The following MDGA2 variants were observed in gnomAD, a reference collection of about 807,000 sequenced individuals.
The protein encoded by MDGA2 is MAM domain-containing glycosylphosphatidylinositol anchor protein 2.
In MDGA2, 40 loss-of-function variants were observed where a neutral mutation model predicts 117.8. The observed-to-expected ratio is 0.34, with a 90% CI of 0.26 to 0.44. The LOEUF (loss-of-function observed/expected upper bound fraction) is 0.44. Among genes scored for constraint, MDGA2 ranks in the 20% least tolerant of loss-of-function variants. MDGA2 has a pLI of 1.00. For synonymous variants in MDGA2, 452 were observed against 439.0 expected (o/e 1.03, Z -0.37); for missense variants, 1,123 against 1,250.6 (o/e 0.90, Z 1.54).
chr14:47,375,948 T>C (rs1005583370), intron 1 of MDGA2, among the ~76,000 whole-genome samples: 1 of 152,184 alleles, frequency 6.6e-6, no homozygotes, highest in African/African-American at 2.4e-5. Flanking sequence ...TTTGCTCTTA[T>C]TTAGTTTCCA....
rs543034939 is a variant in MDGA2 at position 47,106,732 on chromosome 14, G to A, written c.926-9609C>T. Reference sequence around the variant, plus strand: ...GCTTCCGGTAACTCTCACAGTGGAAGGTAAGCCCGTCCCCTTCTTAATCAA... The same window carrying A: ...GCTTCCGGTAACTCTCACAGTGGAAAGTAAGCCCGTCCCCTTCTTAATCAA... On this transcript the variant is annotated intron_variant, in intron 5 of 16. Transcript: ENST00000399232. Among the ~76,000 whole-genome samples the A allele has an allele frequency of 7.4e-4, 112 of 151,318 alleles. 1 individual carries two copies. Among genetic ancestry groups the A allele is most frequent in the African/African-American group, 2.5e-3 (102 of 41,108 alleles).
rs556761049 is a variant in MDGA2, at chr14:47,048,635, A to G, written c.1525+12614T>C. Among the ~76,000 whole-genome samples the G allele has an allele frequency of 3.3e-5, 5 of 152,184 alleles. No individual in the cohort carries two copies. The South Asian group carries it at 1.0e-3, about 32-fold the overall frequency. On this transcript the variant is annotated intron_variant, in intron 7 of 16. Coordinates refer to ENST00000399232, the MANE Select transcript of MDGA2 (RefSeq NM_001113498.3). ...AAATAGACACTACTGCCACCTTAATAAACATTTTGACATAAAACGAAGCTG... is the reference window on the plus strand; with the variant it reads ...AAATAGACACTACTGCCACCTTAATGAACATTTTGACATAAAACGAAGCTG...
chr14:47,286,140 T>A (rs915695268), intron 2 of MDGA2, among the ~76,000 whole-genome samples: 5 of 152,136 alleles, frequency 3.3e-5, no homozygotes, highest in Non-Finnish European at 7.4e-5. Flanking sequence ...GTACATGTGA[T>A]GTTTTGATAC....
At chr14:46,877,317 C>T (rs982058483) in intron 12 of MDGA2, among the ~76,000 whole-genome samples, 172 bp downstream of exon 12, 6 of 151,704 alleles carry the variant, frequency 4.0e-5, no homozygotes, top group Admixed American at 3.9e-4. Context: ...TGTATTTATA[C>T]TCCTATCCTT....
chr14:47,403,565 A>G (rs191392112), intron 1 of MDGA2, among the ~76,000 whole-genome samples: 22 of 152,176 alleles, frequency 1.4e-4, no homozygotes, highest in Admixed American at 1.2e-3. Flanking sequence ...CTCCACTGCC[A>G]TTGTCTCAAC....
At chr14:47,470,319 T>C (rs757034916) in intron 1 of MDGA2, among the ~76,000 whole-genome samples, 1 of 140,290 alleles carries the variant, frequency 7.1e-6, no homozygotes. Context: ...CTTATGTCCA[T>C]GTGTTCTCAT....
At chr14:47,557,132 A>T (rs1895699793) in intron 1 of MDGA2, among the ~76,000 whole-genome samples, 1 of 152,192 alleles carries the variant, frequency 6.6e-6, no homozygotes, top group Non-Finnish European at 1.5e-5. Flanking sequence ...GAAAGTAGGT[A>T]CATAATACAC....
intron 9 of MDGA2, among the ~76,000 whole-genome samples, chr14:46,948,766 A>G (rs1457742274): frequency 6.6e-6 from 1 of 152,036 alleles, no homozygotes; most frequent in Non-Finnish European, 1.5e-5. Flanking sequence ...TACAGAGGGG[A>G]AAAAGCTCAC....
intron 6 of MDGA2, among the ~76,000 whole-genome samples, chr14:47,074,782 T>A (rs1890430249): frequency 6.6e-6 from 1 of 152,304 alleles, no homozygotes; most frequent in Admixed American, 6.5e-5. Flanking sequence ...GTCTACACTA[T>A]CACTTCTTCA....
At chr14:47,016,124 T>A (rs1249273165) in intron 8 of MDGA2, among the ~76,000 whole-genome samples, 1 of 152,094 alleles carries the variant, frequency 6.6e-6, no homozygotes. Flanking sequence ...AGTATCTAGG[T>A]TGAAAGAGTC....
At chr14:47,173,857 A>T (rs952047438) in intron 3 of MDGA2, among the ~76,000 whole-genome samples, 5 of 152,320 alleles carry the variant, frequency 3.3e-5, no homozygotes, top group Admixed American at 2.0e-4. Context: ...GGACTGGCAA[A>T]TTGGATAGAG....
intron 5 of MDGA2, among the ~76,000 whole-genome samples, chr14:47,098,125 C>T (rs1958089): frequency 6.6e-6 from 1 of 151,552 alleles, no homozygotes; most frequent in Non-Finnish European, 1.5e-5. Flanking sequence ...TGAAATCAAT[C>T]TACATCGGAA....
intron 8 of MDGA2, among the ~76,000 whole-genome samples, chr14:47,020,052 C>T (rs1195740306): frequency 6.6e-6 from 1 of 152,098 alleles, no homozygotes; most frequent in Non-Finnish European, 1.5e-5. Flanking sequence ...TTGTGCACAA[C>T]TTTACAGGTC....
chr14:46,938,559 A>AAAAAAAAAAAAAAAAAAAAAAAAG, intron 9 of MDGA2, among the ~76,000 whole-genome samples: 1 of 148,942 alleles, frequency 6.7e-6, no homozygotes, highest in African/African-American at 2.4e-5. Flanking sequence ...AAAAAAAAAA[A>AAAAAAAAAAAAAAAAAAAAAAAAG]AGAGACATCA....
chr14:46,987,932 G>C (rs1024371528), intron 8 of MDGA2, among the ~76,000 whole-genome samples: 1 of 150,736 alleles, frequency 6.6e-6, no homozygotes, highest in Admixed American at 6.6e-5. Flanking sequence ...TGGGGTGGGG[G>C]GGGGTGCGCG....
chr14:47,654,447 C>CT (rs771866379), intron 1 of MDGA2, among the ~76,000 whole-genome samples: 5 of 151,994 alleles, frequency 3.3e-5, no homozygotes, highest in Admixed American at 6.6e-5. Context: ...GGCCAACTGG[C>CT]TAATAACTAA....
chr14:47,465,051 A>T (rs1893571688), intron 1 of MDGA2, among the ~76,000 whole-genome samples: 2 of 152,160 alleles, frequency 1.3e-5, no homozygotes. Flanking sequence ...AAGTCCACAC[A>T]CTTAGAACCA....
chr14:47,476,779 G>A (rs1445613127), intron 1 of MDGA2, among the ~76,000 whole-genome samples: 1 of 152,156 alleles, frequency 6.6e-6, no homozygotes, highest in Non-Finnish European at 1.5e-5. Flanking sequence ...CATGACTTTT[G>A]TACACAGTCA....
At chr14:46,949,360 A>AT (rs1009378036) in intron 9 of MDGA2, among the ~76,000 whole-genome samples, 2 of 151,806 alleles carry the variant, frequency 1.3e-5, no homozygotes, top group Admixed American at 6.6e-5. Flanking sequence ...CTTTTTTATT[A>AT]TTTTTTAAGA....
Sources: gnomAD v4.1 joint callset for allele counts (sites outside exome capture counted in the v4.1 genomes callset) on GRCh38, gnomAD v4.1.1 for gene constraint, MANE v1.5 for transcripts, NCBI Gene and HGNC (gene_info 2026-07-23, HGNC 2026-07-21) for gene names.